The following PLEKHM2 variants were observed in gnomAD, a reference collection of about 807,000 sequenced individuals.
PLEKHM2 encodes the protein pleckstrin homology and RUN domain containing M2, also known as pleckstrin homology domain-containing family M member 2.
PLEKHM2 carries 77 observed loss-of-function variants against 116.3 expected under a neutral mutation model. That is an observed-to-expected ratio of 0.66 (90% confidence interval 0.55 to 0.80). The LOEUF is 0.80. PLEKHM2 is among the 30% of genes least tolerant of loss of function. The pLI, the probability that PLEKHM2 is intolerant of heterozygous loss-of-function variation, is 0.00. For missense variants in PLEKHM2, 1,183 were observed against 1,354.9 expected, an observed-to-expected ratio of 0.87 and a Z score of 1.99; for synonymous variants, 562 against 571.0, an observed-to-expected ratio of 0.98 and a Z score of 0.22.
chr1:15,726,562 C>T (rs1382169192), intron 8 of PLEKHM2, among the ~76,000 whole-genome samples: 1 of 152,174 alleles, frequency 6.6e-6, no homozygotes, highest in East Asian at 1.9e-4. Flanking sequence ...GAGCGTGAGC[C>T]CAGAAAGCGC....
chr1:15,720,606 C>G, intron 6 of PLEKHM2: 1 of 366,738 alleles, frequency 2.7e-6, no homozygotes, highest in Non-Finnish European at 3.8e-6. Context: ...CTGTAGGAGA[C>G]CAGAGCCCTT....
In PLEKHM2 at chr1:15,721,646, G is replaced by A. The variant is rs1180183181; in HGVS notation, c.712+258G>A. Among the ~76,000 whole-genome samples, 1 of 152,084 alleles carries A rather than the reference G, an allele frequency of 6.6e-6. No individual in the cohort carries two copies. The highest frequency in any genetic ancestry group is 1.5e-5 in the Non-Finnish European group (1 of 68,014). Reference sequence around the variant, plus strand: ...GAGTCACTAAGTGGCTGCATTTCGGGGGATACAGGGTCACCCTTCCTGATT... The same window carrying A: ...GAGTCACTAAGTGGCTGCATTTCGGAGGATACAGGGTCACCCTTCCTGATT... On this transcript the variant is annotated intron_variant, in intron 7 of 19. Coordinates refer to ENST00000375799, the MANE Select transcript of PLEKHM2 (RefSeq NM_015164.4). This position sits in a 1 kb window ranked among gnomAD's most constrained non-coding sequence, Gnocchi z 5.1.
At chr1:15,723,554 A>G (rs565962040) in intron 7 of PLEKHM2, among the ~76,000 whole-genome samples, 1 of 152,056 alleles carries the variant, frequency 6.6e-6, no homozygotes, top group African/African-American at 2.4e-5. Flanking sequence ...AACCTGGGCA[A>G]CACAGGGGGA....
intron 1 of PLEKHM2, among the ~76,000 whole-genome samples, chr1:15,685,034 G>A (rs112939088): frequency 0.038 from 5,738 of 152,348 alleles, 367 homozygotes; most frequent in African/African-American, 0.13. Flanking sequence ...CAGGGTGGAG[G>A]CCAGTGATAA....
At position 15,719,011 on chromosome 1, in the gene PLEKHM2, T is replaced by C. The variant is rs375547592; in HGVS notation, c.465+386T>C. ...AGTGTCATCAGCTCCATGAAGAGCC[T>C]TCAGCCACCCTCTTCAAGTTCTCAA... On this transcript the variant is annotated intron_variant, in intron 5 of 19. Transcript: ENST00000375799. The surrounding 1 kb of genome is among the most constrained non-coding windows in gnomAD (Gnocchi z 4.1). 2.6e-4 allele frequency among the ~76,000 whole-genome samples: 40 copies of C among 152,272 alleles called. No individual in the cohort carries two copies. The highest frequency in any genetic ancestry group is 2.1e-3 in the East Asian group (11 of 5,188).
intron 4 of PLEKHM2, among the ~76,000 whole-genome samples, 168 bp downstream of exon 4, chr1:15,718,160 A>T (rs1051563960): frequency 1.3e-5 from 2 of 152,230 alleles, no homozygotes; most frequent in Non-Finnish European, 2.9e-5. Context: ...CCGGTGTCCC[A>T]TCTGGGCTCC....
At chr1:15,701,962 C>T (rs754245131) in intron 1 of PLEKHM2, among the ~76,000 whole-genome samples, 6 of 152,176 alleles carry the variant, frequency 3.9e-5, no homozygotes, top group Non-Finnish European at 8.8e-5. Flanking sequence ...GGGGGGTAGT[C>T]GTTATGGTGG....
intron 15 of PLEKHM2, 128 bp downstream of exon 15, chr1:15,730,850 C>T: frequency 1.4e-6 from 1 of 732,248 alleles, no homozygotes; most frequent in South Asian, 1.9e-5. Context: ...GCCTCCCTTC[C>T]CTACCAGAGC....
intron 1 of PLEKHM2, among the ~76,000 whole-genome samples, chr1:15,710,496 G>A (rs1641310763): frequency 6.6e-6 from 1 of 151,644 alleles, no homozygotes; most frequent in Non-Finnish European, 1.5e-5. Flanking sequence ...GCTAATTTTT[G>A]TATTTTTTTT....
At chr1:15,711,671 A>G (rs945030245) in intron 1 of PLEKHM2, among the ~76,000 whole-genome samples, 5 of 152,112 alleles carry the variant, frequency 3.3e-5, no homozygotes, top group South Asian at 4.1e-4. Flanking sequence ...CATTGGGAAA[A>G]ATGGGAAACT....
chr1:15,731,064 C>A, intron 15 of PLEKHM2, 128 bp from the exon 16 acceptor site: 1 of 716,746 alleles, frequency 1.4e-6, no homozygotes, highest in South Asian at 1.6e-5. Flanking sequence ...TAGATGACAG[C>A]CCCTGGTGTC....
intron 1 of PLEKHM2, 125 bp from the exon 2 acceptor site, chr1:15,716,112 G>A (rs545249598): frequency 3.8e-5 from 24 of 628,178 alleles, no homozygotes; most frequent in Admixed American, 7.7e-5. Flanking sequence ...TGAGGTAGAC[G>A]TCTCTGCTGG....
At chr1:15,713,140 AC>A (rs1242569900) in intron 1 of PLEKHM2, among the ~76,000 whole-genome samples, 1 of 151,916 alleles carries the variant, frequency 6.6e-6, no homozygotes, top group Non-Finnish European at 1.5e-5. Flanking sequence ...TTTTGTAGAC[AC>A]AGCGTTTTGC....
chr1:15,707,914 C>T (rs1166737872), intron 1 of PLEKHM2, among the ~76,000 whole-genome samples: 3 of 152,162 alleles, frequency 2.0e-5, no homozygotes, highest in Admixed American at 6.6e-5. Context: ...GATGGAGTCT[C>T]GCTCTTGTCG....
chr1:15,713,729 G>A (rs1036697822), intron 1 of PLEKHM2, among the ~76,000 whole-genome samples: 13 of 151,602 alleles, frequency 8.6e-5, no homozygotes, highest in Non-Finnish European at 1.0e-4. Flanking sequence ...TCCGCCTCCC[G>A]GGTTCCTGCC....
intron 1 of PLEKHM2, among the ~76,000 whole-genome samples, chr1:15,704,226 T>C (rs72879492): frequency 0.16 from 24,397 of 151,926 alleles, 3,667 homozygotes; most frequent in African/African-American, 0.4. Context: ...TACCCTGTTT[T>C]TCCTGCCACT....
At chr1:15,714,371 C>T (rs890655882) in intron 1 of PLEKHM2, among the ~76,000 whole-genome samples, 2 of 134,314 alleles carry the variant, frequency 1.5e-5, no homozygotes, top group African/African-American at 5.9e-5. Flanking sequence ...AAAAAAAAAG[C>T]TCTACCCCAG....
At chr1:15,699,815 T>C (rs1169907882) in intron 1 of PLEKHM2, among the ~76,000 whole-genome samples, 1 of 151,704 alleles carries the variant, frequency 6.6e-6, no homozygotes. Flanking sequence ...TACATAAATA[T>C]ATTAATCTAG....
In PLEKHM2 at chr1:15,728,157, TAGGAACTC is replaced by T. The variant is rs1233043442; in HGVS notation, c.1830+14_1830+21del. On this transcript the variant is annotated intron_variant, in intron 10 of 19. Transcript: ENST00000375799. The surrounding 1 kb of genome is among the most constrained non-coding windows in gnomAD (Gnocchi z 5.9). ...AAGAGCAGCTGTTCAAAGTAAGTCC[TAGGAACTC>T]AGGAGTGAGCAAGAGACGGCAAGGG... The T allele has an allele frequency of 6.2e-7, 1 of 1,610,248 alleles. No individual in the cohort carries two copies.
Sources: allele counts gnomAD v4.1 joint callset (sites outside exome capture counted in the v4.1 genomes callset), GRCh38; gene constraint gnomAD v4.1.1; non-coding constraint Gnocchi (gnomAD v3.1); transcripts MANE v1.5; gene names NCBI Gene and HGNC (gene_info 2026-07-23, HGNC 2026-07-21).